Variants in CASP10 observed in about 807,000 individuals in gnomAD.
CASP10 encodes caspase 10.
A neutral mutation model predicts 48.5 loss-of-function variants in CASP10; 41 were observed. The ratio of observed to expected loss-of-function variants is 0.85; its 90% CI spans 0.66 to 1.10. The LOEUF is 1.10. Ranked by LOEUF, CASP10 falls within the 50% of genes least tolerant of loss-of-function variation. The pLI, the probability that CASP10 is intolerant of heterozygous loss-of-function variation, is 0.00. For missense variants in CASP10, 614 were observed against 614.5 expected, an observed-to-expected ratio of 1.00 and a Z score of 0.01; for synonymous variants, 232 against 238.4, an observed-to-expected ratio of 0.97 and a Z score of 0.25.
chr2:201,229,369 G>A (rs1945832045), exon 10 of CASP10: 1 of 481,730 alleles, frequency 2.1e-6, no homozygotes, highest in East Asian at 3.9e-5. Context: ...GGTCCATGGG[G>A]AAAAGTGAAT....
intron 5 of CASP10, 98 bp from the exon 6 acceptor site, chr2:201,203,632 T>C (rs529442483): frequency 3.7e-6 from 4 of 1,067,306 alleles, no homozygotes; most frequent in Non-Finnish European, 5.8e-6. Flanking sequence ...TGGCTGTGGA[T>C]TAGATATCTG....
intron 9 of CASP10, chr2:201,212,752 G>A (rs1007107481): frequency 3.3e-5 from 5 of 152,172 alleles, no homozygotes; most frequent in African/African-American, 9.7e-5. Context: ...ACTGATTAAT[G>A]TTCAGATCTG....
At chr2:201,200,882 T>C (rs1207336467) in intron 5 of CASP10, among the ~76,000 whole-genome samples, 1 of 152,096 alleles carries the variant, frequency 6.6e-6, no homozygotes, top group Non-Finnish European at 1.5e-5. Flanking sequence ...GAAAAGCGCC[T>C]AGATATCTGA....
Position 201,209,362 on chromosome 2 carries a change from G to C in CASP10, c.1215G>C (p.Glu405Asp). ...TCATCCAGGCCTGCCAAGGTGAAGA[G>C]ATACAGCCTTCCGTATCCATCGAAG... ...LFFIQACQGEEIQPSVSIEAD... is the reference protein window; with the variant it reads ...LFFIQACQGEDIQPSVSIEAD... Residue 405 changes from glutamate to aspartate, a missense_variant, in exon 9 of 10, where the codon GAG becomes GAC. Glu to Asp is a conservative substitution (Grantham distance 45). Coordinates refer to ENST00000286186, the MANE Select transcript of CASP10 (RefSeq NM_032977.4). 1 of 1,614,158 alleles carries C rather than the reference G, an allele frequency of 6.2e-7. No homozygotes were observed. The highest frequency in any genetic ancestry group is 8.5e-7 in the Non-Finnish European group (1 of 1,180,050).
In CASP10 at chr2:201,220,666, T is replaced by C. The variant is rs1485015310; in HGVS notation, c.*2925T>C. ...CGGCCAGAAGCCCCTTTCAAATTTG[T>C]TTTCTCTAAAATAAACCTGTCCTTG... On this transcript the variant is annotated 3_prime_UTR_variant, in exon 10 of 10. Coordinates refer to ENST00000286186, the MANE Select transcript of CASP10 (RefSeq NM_032977.4). 4.5e-6 allele frequency: 4 copies of C among 882,476 alleles called. No homozygotes were observed. In the African/African-American group the frequency reaches 7.3e-5, roughly 16 times the overall value. 54.7% of individuals were successfully genotyped at this position (882,476 alleles called of 1,614,324 possible). A position where few individuals can be genotyped will look rare whatever the true frequency, so the allele number is the denominator to read the frequency against.
chr2:201,194,033 G>A lies in CASP10; in HGVS notation c.577+914G>A, dbSNP rs1167671272. On this transcript the variant is annotated intron_variant, in intron 4 of 9. Transcript: ENST00000286186. The stretch of plus-strand genomic sequence containing the variant: ...TATTATGGCTCTCTCAGAGAGAAAA[G>A]TCATAAAGACTTCACATTCTCAGAA... Among the ~76,000 whole-genome samples, 5 of 151,884 alleles carry A rather than the reference G, an allele frequency of 3.3e-5. No individual in the cohort carries two copies. The South Asian group carries it at 6.2e-4, about 19-fold the overall frequency.
Position 201,218,763 on chromosome 2 carries a change from C to G in CASP10, c.*1022C>G, listed in dbSNP as rs1323062174. On this transcript the variant is annotated 3_prime_UTR_variant, in exon 10 of 10. Transcript: ENST00000286186. ...GACAGTGAGGTCACAGTCCACCCAC[C>G]CTCTCTCTGATCTCCCCCTTCCTAA... The G allele has an allele frequency of 4.1e-6, 4 of 985,338 alleles. No homozygotes were observed. The highest frequency in any genetic ancestry group is 4.8e-6 in the Non-Finnish European group (4 of 830,000). 61.0% of individuals were successfully genotyped at this position (985,338 alleles called of 1,614,324 possible). A position where few individuals can be genotyped will look rare whatever the true frequency, so the allele number is the denominator to read the frequency against.
chr2:201,186,318 A>C (rs1944414729), intron 2 of CASP10, 194 bp downstream of exon 2: 1 of 579,536 alleles, frequency 1.7e-6, no homozygotes, highest in African/African-American at 1.9e-5. Context: ...GCAAAGCTTC[A>C]AGACCAAGCC....
Position 201,220,941 on chromosome 2 carries a change from C to T in CASP10, c.*3200C>T. ...TGATTCCTTTGCTCAGAGACACTAA[C>T]TAAATCAAGCTAGCTTTTTTCAGCC... On this transcript the variant is annotated 3_prime_UTR_variant, in exon 10 of 10. Coordinates refer to ENST00000286186, the MANE Select transcript of CASP10 (RefSeq NM_032977.4). The T allele has an allele frequency of 1.0e-6, 1 of 985,464 alleles. No individual in the cohort carries two copies. Among genetic ancestry groups the T allele is most frequent in the Non-Finnish European group, 1.2e-6 (1 of 829,946 alleles). The allele number at this position is 985,464 out of a possible 1,614,324, so 61.0% of individuals were successfully genotyped here.
At chr2:201,197,287 T>C (rs1367534766) in intron 5 of CASP10, among the ~76,000 whole-genome samples, 1 of 151,902 alleles carries the variant, frequency 6.6e-6, no homozygotes, top group Non-Finnish European at 1.5e-5. Flanking sequence ...ACATACCATA[T>C]AATGAAACCA....
intron 6 of CASP10, among the ~76,000 whole-genome samples, chr2:201,204,667 A>G (rs1945138728): frequency 6.6e-6 from 1 of 152,164 alleles, no homozygotes; most frequent in Non-Finnish European, 1.5e-5. Context: ...TGGGATTTGA[A>G]CCCAGCTGTC....
intron 8 of CASP10, among the ~76,000 whole-genome samples, 179 bp from the exon 9 acceptor site, chr2:201,208,891 T>A (rs1457072176): frequency 1.3e-5 from 2 of 152,172 alleles, no homozygotes; most frequent in Non-Finnish European, 2.9e-5. Flanking sequence ...CTGGCCAGAC[T>A]GTTCTCAAAC....
Position 201,218,197 on chromosome 2 carries a change from A to AC in CASP10, c.*456_*457insC. 4.9e-6 allele frequency: 5 copies of AC among 1,022,756 alleles called. No homozygotes were observed. The highest frequency in any genetic ancestry group is 5.3e-5 in the Admixed American group (1 of 19,046). The allele number at this position is 1,022,756 out of a possible 1,614,324, so 63.4% of individuals were successfully genotyped here. A position where few individuals can be genotyped will look rare whatever the true frequency, so the allele number is the denominator to read the frequency against. On this transcript the variant is annotated 3_prime_UTR_variant, in exon 10 of 10. Coordinates refer to ENST00000286186, the MANE Select transcript of CASP10 (RefSeq NM_032977.4). The stretch of plus-strand genomic sequence containing the variant: ...TCTGTCCCCAAAATACTGGGATTAT[A>AC]GGCACGAGCCACCACACCTGGCCAG...
chr2:201,204,753 C>T (rs1319951415), intron 6 of CASP10, among the ~76,000 whole-genome samples: 2 of 152,214 alleles, frequency 1.3e-5, no homozygotes, highest in South Asian at 4.1e-4. Flanking sequence ...CTGCTTCACC[C>T]CTCTGAAGAA....
At position 201,185,939 on chromosome 2, in the gene CASP10, G is replaced by T; in HGVS notation, c.162G>T (p.Lys54Asn). The part of the protein sequence containing the change: ...IGLVPNKKLE[K>N]SSSASDVFEH... ...TGGTCCCCAACAAGAAGCTGGAGAA[G>T]TCCAGCTCAGCCTCAGATGTTTTTG... The change falls in exon 2 of 10, where the codon AAG becomes AAT. Residue 54 changes from lysine to asparagine, a missense_variant. By Grantham distance (94) the Lys-to-Asn change is moderately conservative (BLOSUM62 0). Coordinates refer to ENST00000286186, the MANE Select transcript of CASP10 (RefSeq NM_032977.4). 6.2e-7 allele frequency: 1 copy of T among 1,613,870 alleles called. No homozygotes were observed. Among genetic ancestry groups the T allele is most frequent in the Non-Finnish European group, 8.5e-7 (1 of 1,179,742 alleles).
intron 5 of CASP10, among the ~76,000 whole-genome samples, chr2:201,199,103 T>C (rs1479814654): frequency 1.3e-5 from 2 of 152,166 alleles, no homozygotes; most frequent in Admixed American, 1.3e-4. Context: ...ACACATAATT[T>C]TTTTCTGAAC....
chr2:201,229,190 C>A, exon 10 of CASP10: 2 of 1,377,192 alleles, frequency 1.5e-6, no homozygotes, highest in Non-Finnish European at 1.0e-6. Flanking sequence ...CCTTGCGATT[C>A]TGCAGCCACA....
At chr2:201,186,229 C>A (rs1348165697) in intron 2 of CASP10, 105 bp downstream of exon 2, 2 of 809,112 alleles carry the variant, frequency 2.5e-6, no homozygotes, top group Non-Finnish European at 4.3e-6. Flanking sequence ...TGGTTATCTA[C>A]CTCCTTGGAT....
intron 3 of CASP10, among the ~76,000 whole-genome samples, chr2:201,191,563 A>T (rs1559296285): frequency 6.6e-6 from 1 of 152,206 alleles, no homozygotes; most frequent in Admixed American, 6.5e-5. Flanking sequence ...GGGCTCAGTG[A>T]GGCTGCATTA....
Sources: allele counts gnomAD v4.1 joint callset (sites outside exome capture counted in the v4.1 genomes callset), GRCh38; gene constraint gnomAD v4.1.1; transcripts MANE v1.5; gene names NCBI Gene and HGNC (gene_info 2026-07-23, HGNC 2026-07-21).